The following DDAH1 variants were observed in gnomAD, a reference collection of about 807,000 sequenced individuals.
The protein encoded by DDAH1 is dimethylarginine dimethylaminohydrolase 1.
DDAH1 carries 19 observed loss-of-function variants against 28.8 expected under a neutral mutation model. The observed-to-expected ratio is 0.66, with a 90% confidence interval of 0.46 to 0.97. DDAH1 has a LOEUF of 0.97. Ranked by LOEUF, DDAH1 falls within the 50% of genes least tolerant of loss-of-function variation. The pLI is 0.00. For synonymous variants in DDAH1, 153 were observed against 154.4 expected (o/e 0.99, Z 0.07); for missense variants, 326 against 375.9 (o/e 0.87, Z 1.10).
chr1:85,446,952 T>C (rs1290801368), intron 1 of DDAH1, among the ~76,000 whole-genome samples: 1 of 152,162 alleles, frequency 6.6e-6, no homozygotes, highest in South Asian at 2.1e-4. Flanking sequence ...TGAAAGGATA[T>C]AGGACAGGCC....
chr1:85,334,107 C>T (rs962015332), intron 4 of DDAH1, among the ~76,000 whole-genome samples: 1 of 152,110 alleles, frequency 6.6e-6, no homozygotes, highest in African/African-American at 2.4e-5. Flanking sequence ...GGGACGGTTC[C>T]GCACATGCTG....
intron 1 of DDAH1, among the ~76,000 whole-genome samples, chr1:85,536,263 T>C (rs182843150): frequency 6.6e-6 from 1 of 151,102 alleles, no homozygotes; most frequent in African/African-American, 2.4e-5. Flanking sequence ...ATAATAAAAA[T>C]TAAAAAGCCT....
rs148135578 is a variant in DDAH1 at position 85,383,899 on chromosome 1, C to T, written c.304-25052G>A. Among the ~76,000 whole-genome samples the T allele has an allele frequency of 1.9e-3, 296 of 152,252 alleles. 1 individual carries two copies. Among genetic ancestry groups the T allele is most frequent in the African/African-American group, 6.9e-3 (286 of 41,566 alleles). On this transcript the variant is annotated intron_variant, in intron 1 of 5. Transcript: ENST00000284031. The stretch of plus-strand genomic sequence containing the variant: ...ATGCCATTCCACAATTAATAGACTA[C>T]ATTAAAATGTAAACATAACTTTTAT...
intron 4 of DDAH1, among the ~76,000 whole-genome samples, chr1:85,347,582 C>G (rs2100835901): frequency 6.6e-6 from 1 of 151,676 alleles, no homozygotes; most frequent in East Asian, 1.9e-4. Context: ...CACTTGGACA[C>G]AGGATGGGGA....
At chr1:85,438,397 T>C (rs1169981349) in intron 1 of DDAH1, among the ~76,000 whole-genome samples, 2 of 152,188 alleles carry the variant, frequency 1.3e-5, no homozygotes, top group Non-Finnish European at 2.9e-5. Context: ...ATTGGCTGAA[T>C]TTCTATTTAA....
At chr1:85,416,331 G>T (rs1652887891) in intron 1 of DDAH1, among the ~76,000 whole-genome samples, 1 of 151,976 alleles carries the variant, frequency 6.6e-6, no homozygotes, top group Admixed American at 6.6e-5. Context: ...GAGTAGCTGG[G>T]ACTACAGGCA....
At chr1:85,404,429 A>T (rs1557589195) in intron 1 of DDAH1, 12 of 1,533,862 alleles carry the variant, frequency 7.8e-6, no homozygotes, top group Non-Finnish European at 9.6e-6. Context: ...TTTGGGAAGC[A>T]GTTCCTCCGC....
intron 1 of DDAH1, among the ~76,000 whole-genome samples, chr1:85,381,282 GTTTT>G (rs1237799548): frequency 6.6e-6 from 1 of 150,954 alleles, no homozygotes; most frequent in African/African-American, 2.4e-5. Context: ...GTTGGCAAGT[GTTTT>G]TTTGTTTTTT....
chr1:85,493,205 A>T (rs1656464252), intron 2 of DDAH1, among the ~76,000 whole-genome samples: 1 of 152,084 alleles, frequency 6.6e-6, no homozygotes, highest in South Asian at 2.1e-4. Context: ...ATAGGCCTCT[A>T]AAAGTATTGT....
Position 85,394,649 on chromosome 1 carries a change from A to C in DDAH1, c.304-35802T>G, listed in dbSNP as rs935913216. On this transcript the variant is annotated intron_variant, in intron 1 of 5. Transcript: ENST00000284031. ...TTTAGGTAGCAACTAACATTGGCAT[A>C]CTGTAAAAATGGTTAACAAGGAAAT... Among the ~76,000 whole-genome samples the C allele has an allele frequency of 4.6e-5, 7 of 152,346 alleles. No individual in the cohort carries two copies. The South Asian group carries it at 1.4e-3, about 32-fold the overall frequency.
At chr1:85,490,672 G>A (rs539426385) in intron 2 of DDAH1, among the ~76,000 whole-genome samples, 1 of 152,350 alleles carries the variant, frequency 6.6e-6, no homozygotes, top group African/African-American at 2.4e-5. Context: ...ATGTTAGTCT[G>A]TGGTCCAGCC....
intron 1 of DDAH1, among the ~76,000 whole-genome samples, chr1:85,563,561 A>G (rs7522274): frequency 0.77 from 116,794 of 152,114 alleles, 45,062 homozygotes; most frequent in African/African-American, 0.82. Context: ...CTGTGTTCCA[A>G]AACAAAATTC....
At chr1:85,355,070 A>C (rs1649421109) in intron 2 of DDAH1, among the ~76,000 whole-genome samples, 2 of 152,182 alleles carry the variant, frequency 1.3e-5, no homozygotes, top group Admixed American at 6.5e-5. Context: ...ATGAAAAGAT[A>C]ATATAGCTAT....
intron 1 of DDAH1, among the ~76,000 whole-genome samples, chr1:85,459,182 A>G (rs2100685078): frequency 1.3e-5 from 2 of 152,370 alleles, no homozygotes; most frequent in Middle Eastern, 6.8e-3. Context: ...TATTATAATA[A>G]AAACTAATTT....
Position 85,429,920 on chromosome 1 carries a change from G to C in DDAH1, c.303+34823C>G, listed in dbSNP as rs139305382. Reference sequence around the variant, plus strand: ...CTGGATATTAGCCCTTTGTCAGATGGATAGACTGCAAAAATTTTCTCCCAT... The same window carrying C: ...CTGGATATTAGCCCTTTGTCAGATGCATAGACTGCAAAAATTTTCTCCCAT... On this transcript the variant is annotated intron_variant, in intron 1 of 5. Coordinates refer to ENST00000284031, the MANE Select transcript of DDAH1 (RefSeq NM_012137.4). 8.5e-3 allele frequency among the ~76,000 whole-genome samples: 1,293 copies of C among 152,154 alleles called. 8 individuals are homozygous for C. The highest frequency in any genetic ancestry group is 0.017 in the Admixed American group (257 of 15,280).
Position 85,575,491 on chromosome 1 carries a change from T to C in DDAH1, c.-123+2493A>G, listed in dbSNP as rs540525945. On this transcript the variant is annotated intron_variant, in intron 1 of 6. Transcript: ENST00000426972. ...GCCAAGGTGCTTAAAGACCACTCTA[T>C]ATATGTATCTGCATTAAGACCTTTT... Among the ~76,000 whole-genome samples, 72 of 152,334 alleles carry C rather than the reference T, an allele frequency of 4.7e-4. 1 individual carries two copies. Among genetic ancestry groups the C allele is most frequent in the African/African-American group, 1.6e-3 (66 of 41,578 alleles).
At chr1:85,498,082 T>C (rs907995830) in intron 1 of DDAH1, among the ~76,000 whole-genome samples, 2 of 152,218 alleles carry the variant, frequency 1.3e-5, no homozygotes, top group African/African-American at 4.8e-5. Flanking sequence ...GCCTTTAAAA[T>C]ACAGTCTTAA....
chr1:85,436,508 C>T (rs959470446), intron 1 of DDAH1, among the ~76,000 whole-genome samples: 7 of 152,210 alleles, frequency 4.6e-5, no homozygotes, highest in Non-Finnish European at 8.8e-5. Flanking sequence ...GCATGTACTG[C>T]TGATGTGAAA....
At chr1:85,577,469 T>C (rs1292459397) in intron 1 of DDAH1, among the ~76,000 whole-genome samples, 1 of 152,090 alleles carries the variant, frequency 6.6e-6, no homozygotes, top group Admixed American at 6.5e-5. Flanking sequence ...CAGCCGAGGA[T>C]CTATGAAGAC....
Sources: gnomAD v4.1 joint callset for allele counts (sites outside exome capture counted in the v4.1 genomes callset) on GRCh38, gnomAD v4.1.1 for gene constraint, MANE v1.5 for transcripts, NCBI Gene and HGNC (gene_info 2026-07-23, HGNC 2026-07-21) for gene names.